The following ERICH1 variants were observed in gnomAD, a reference collection of about 807,000 sequenced individuals.
ERICH1 encodes the protein glutamate rich 1, also known as glutamate-rich protein 1.
Under a neutral mutation model 39.6 loss-of-function variants are expected in ERICH1, and 56 were observed. That is an observed-to-expected ratio of 1.41 (90% confidence interval 1.14 to 1.77). The LOEUF (loss-of-function observed/expected upper bound fraction) is 1.77. Among genes scored for constraint, ERICH1 ranks in the 40% most tolerant of loss-of-function variants. ERICH1 has a pLI of 0.00. For missense variants in ERICH1, 826 were observed against 575.4 expected (o/e 1.44, Z -4.45); for synonymous variants, 313 against 223.6 (o/e 1.40, Z -3.57).
intron 3 of ERICH1, among the ~76,000 whole-genome samples, chr8:620,274 T>G (rs1268490348): frequency 6.6e-6 from 1 of 152,172 alleles, no homozygotes; most frequent in African/African-American, 2.4e-5. Flanking sequence ...ATTGTGCCAC[T>G]GCACTCCAGC....
At chr8:715,184 G>A (rs1277576586) in intron 2 of ERICH1, among the ~76,000 whole-genome samples, 6 of 151,986 alleles carry the variant, frequency 3.9e-5, no homozygotes, top group South Asian at 2.1e-4. Flanking sequence ...ATCTCTCAGT[G>A]GGATGTGGTC....
intron 2 of ERICH1, among the ~76,000 whole-genome samples, chr8:714,773 C>A (rs1178826750): frequency 2.3e-4 from 33 of 145,992 alleles, no homozygotes; most frequent in African/African-American, 8.4e-4. Context: ...TGCACCCAGG[C>A]GGCCTCTTCC....
intron 2 of ERICH1, among the ~76,000 whole-genome samples, chr8:712,468 T>A (rs1669616): frequency 1.3e-3 from 202 of 152,170 alleles, no homozygotes; most frequent in South Asian, 2.7e-3. Context: ...CTTGCTCTGT[T>A]GCCCAGGCTG....
intron 3 of ERICH1, among the ~76,000 whole-genome samples, chr8:623,642 G>C (rs1011031068): frequency 2.0e-5 from 3 of 152,114 alleles, no homozygotes; most frequent in Admixed American, 1.3e-4. Context: ...TTACCATTTT[G>C]TGTGCATGAA....
intron 2 of ERICH1, among the ~76,000 whole-genome samples, chr8:710,815 A>T (rs1403489078): frequency 6.6e-6 from 1 of 152,242 alleles, no homozygotes; most frequent in African/African-American, 2.4e-5. Flanking sequence ...TTCGGCAGTT[A>T]TGAATAAAGC....
In ERICH1 at chr8:664,487, AATAAT is replaced by A; in HGVS notation, c.*111_*115del. 2.2e-6 allele frequency: 3 copies of A among 1,347,474 alleles called. No individual in the cohort carries two copies. In the South Asian group the frequency reaches 7.2e-5, roughly 32 times the overall value. The allele number at this position is 1,347,474 out of a possible 1,614,324, so 83.5% of individuals were successfully genotyped here. On this transcript the variant is annotated 3_prime_UTR_variant, in exon 6 of 6. Coordinates refer to ENST00000262109, the MANE Select transcript of ERICH1 (RefSeq NM_207332.3). Reference sequence around the variant, plus strand: ...CCCACCAGGAACAAACACGTGAATAAATAATATGGCATAAATGTCTTTCAAGTTCC... The same window carrying A: ...CCCACCAGGAACAAACACGTGAATAAATGGCATAAATGTCTTTCAAGTTCC...
intron 3 of ERICH1, among the ~76,000 whole-genome samples, chr8:687,699 G>A (rs978253905): frequency 6.6e-5 from 10 of 152,200 alleles, no homozygotes; most frequent in African/African-American, 2.4e-4. Flanking sequence ...CGGACCCAGG[G>A]CTGAAGTCGG....
In ERICH1 at chr8:668,807, T is replaced by A. The variant is rs186877818; in HGVS notation, c.1064-15A>T. The stretch of plus-strand genomic sequence containing the variant: ...TCTGGAGACACCTACATAAAGTCAG[T>A]TTTGCTTGGAAATACAGTTTTGTTT... On this transcript the variant is annotated splice_polypyrimidine_tract_variant and intron_variant, in intron 4 of 5. Transcript: ENST00000262109. The A allele has an allele frequency of 4.8e-4, 749 of 1,573,020 alleles. 1 individual carries two copies. The highest frequency in any genetic ancestry group is 1.2e-3 in the Admixed American group (61 of 51,874).
intron 4 of ERICH1, chr8:669,012 T>C: frequency 1.8e-6 from 1 of 563,150 alleles, no homozygotes. Flanking sequence ...TACACCTCTG[T>C]CTGGTGAGAC....
intron 3 of ERICH1, among the ~76,000 whole-genome samples, chr8:636,414 T>A (rs1444576658): frequency 1.3e-5 from 2 of 152,212 alleles, no homozygotes; most frequent in East Asian, 3.9e-4. Context: ...CGTTCCTCCC[T>A]CATAGAAAAT....
chr8:663,884 A>G (rs934939479), downstream of ERICH1, among the ~76,000 whole-genome samples: 5 of 151,856 alleles, frequency 3.3e-5, no homozygotes, highest in Admixed American at 3.3e-4. Flanking sequence ...CTCAGCCTCC[A>G]GAGTAGCTGG....
intron 3 of ERICH1, among the ~76,000 whole-genome samples, chr8:676,759 A>C (rs889478164): frequency 6.6e-6 from 1 of 152,230 alleles, no homozygotes; most frequent in Non-Finnish European, 1.5e-5. Flanking sequence ...TTGCCCGAGC[A>C]GACCTAGAAC....
intron 1 of ERICH1, among the ~76,000 whole-genome samples, chr8:719,431 A>G (rs1371652542): frequency 6.6e-6 from 1 of 152,184 alleles, no homozygotes; most frequent in African/African-American, 2.4e-5. Flanking sequence ...AGAACTGCAG[A>G]TGGGCGCTGG....
intron 3 of ERICH1, among the ~76,000 whole-genome samples, chr8:636,544 C>T (rs567898094): frequency 5.1e-4 from 77 of 152,372 alleles, no homozygotes; most frequent in African/African-American, 1.2e-3. Context: ...TCCTCACGGA[C>T]GGAGGCCTGT....
chr8:652,654 G>C (rs1460255392), intron 3 of ERICH1, among the ~76,000 whole-genome samples: 1 of 152,136 alleles, frequency 6.6e-6, no homozygotes, highest in Non-Finnish European at 1.5e-5. Flanking sequence ...GAGCTTACAG[G>C]GTGTCTTCAT....
intron 3 of ERICH1, among the ~76,000 whole-genome samples, chr8:655,683 C>G (rs1263186712): frequency 3.3e-5 from 5 of 149,484 alleles, no homozygotes; most frequent in Admixed American, 6.7e-5. Context: ...TTCCTTCCTT[C>G]CTTCCTTCCT....
chr8:639,500 C>G (rs546019043), intron 3 of ERICH1, among the ~76,000 whole-genome samples: 109 of 152,312 alleles, frequency 7.2e-4, no homozygotes, highest in African/African-American at 2.5e-3. Context: ...TATCAAAGAG[C>G]CGGTCTGTCA....
intron 3 of ERICH1, among the ~76,000 whole-genome samples, chr8:676,522 G>C (rs1325992077): frequency 6.7e-6 from 1 of 150,044 alleles, no homozygotes; most frequent in Non-Finnish European, 1.5e-5. Flanking sequence ...AGGCGCGGCG[G>C]CCCCTCGTGA....
chr8:616,942 GGGAGAGGGAGAC>G (rs1796953544), intron 3 of ERICH1, among the ~76,000 whole-genome samples: 1 of 53,012 alleles, frequency 1.9e-5, no homozygotes, highest in Non-Finnish European at 3.2e-5. Flanking sequence ...GAGAGAGAGA[GGGAGAGGGAGAC>G]AGAGACACAC....
Sources: allele counts gnomAD v4.1 joint callset (sites outside exome capture counted in the v4.1 genomes callset), GRCh38; gene constraint gnomAD v4.1.1; transcripts MANE v1.5; gene names NCBI Gene and HGNC (gene_info 2026-07-23, HGNC 2026-07-21).